NR4A1: variants seen among roughly 807,000 people sequenced by gnomAD.
NR4A1 encodes nuclear receptor subfamily 4immunitygroup A member 1.
A neutral mutation model predicts 47.5 loss-of-function variants in NR4A1; 24 were observed. The ratio of observed to expected loss-of-function variants is 0.50; its 90% CI spans 0.37 to 0.71. The LOEUF is 0.71. NR4A1 is among the 30% of genes least tolerant of loss of function. The pLI, the probability that NR4A1 is intolerant of heterozygous loss-of-function variation, is 0.00. For missense variants in NR4A1, 669 were observed against 788.6 expected, an observed-to-expected ratio of 0.85 and a Z score of 1.82; for synonymous variants, 353 against 345.7, an observed-to-expected ratio of 1.02 and a Z score of -0.24.
chr12:52,056,047 C>T lies in NR4A1; in HGVS notation c.894C>T (p.Asn298=), dbSNP rs768092406. The T allele has an allele frequency of 1.0e-5, 14 of 1,334,288 alleles. No homozygotes were observed. The highest frequency in any genetic ancestry group is 6.4e-5 in the Admixed American group (3 of 46,694). The allele number at this position is 1,334,288 out of a possible 1,614,324, so 82.7% of individuals were successfully genotyped here. Residue 298 remains asparagine, a synonymous_variant, in exon 3 of 7, where the codon AAC becomes AAT. Coordinates refer to ENST00000394825, the MANE Select transcript of NR4A1 (RefSeq NM_173157.3). The part of the protein sequence containing the change: ...KGFFKRTVQK[N]AKYICLANKD... ...CCACCCAGCGCACAGTGCAGAAAAACGCCAAGTACATCTGCCTGGCTAACA... is the reference window on the plus strand; with the variant it reads ...CCACCCAGCGCACAGTGCAGAAAAATGCCAAGTACATCTGCCTGGCTAACA...
intron 2 of NR4A1, chr12:52,043,854 T>C: frequency 2.3e-6 from 3 of 1,289,078 alleles, no homozygotes; most frequent in Non-Finnish European, 3.0e-6. Flanking sequence ...GATTCTCCCT[T>C]CGTGCGGTTG....
At chr12:52,048,467 A>G (rs2001714), upstream of NR4A1, among the ~76,000 whole-genome samples, 260 of 152,008 alleles carry the variant, frequency 1.7e-3, no homozygotes, top group South Asian at 4.2e-3. Context: ...GGTGGCAGGC[A>G]CCTGTAGTCC....
At chr12:52,050,708 A>C (rs1212939826), upstream of NR4A1, among the ~76,000 whole-genome samples, 1 of 152,122 alleles carries the variant, frequency 6.6e-6, no homozygotes, top group Non-Finnish European at 1.5e-5. Flanking sequence ...GGAGGGACTA[A>C]GCGAGGGCTC....
upstream of NR4A1, among the ~76,000 whole-genome samples, chr12:52,049,929 G>T (rs1211356771): frequency 6.6e-6 from 1 of 152,108 alleles, no homozygotes; most frequent in Non-Finnish European, 1.5e-5. Flanking sequence ...CGGGCCGGCA[G>T]AGCCTCCGGG....
intron 1 of NR4A1, among the ~76,000 whole-genome samples, chr12:52,032,238 A>G (rs1021465403): frequency 1.3e-5 from 2 of 152,230 alleles, no homozygotes; most frequent in Non-Finnish European, 2.9e-5. Flanking sequence ...CCTCACCGCT[A>G]TGGGCAGGCA....
intron 6 of NR4A1, among the ~76,000 whole-genome samples, chr12:52,057,780 AT>A (rs1458242974): frequency 6.6e-6 from 1 of 152,228 alleles, no homozygotes; most frequent in Non-Finnish European, 1.5e-5. Flanking sequence ...TGCAGGTGTC[AT>A]GTATGTGGCC....
chr12:52,033,981 C>T (rs1403282335), intron 1 of NR4A1, among the ~76,000 whole-genome samples: 1 of 152,164 alleles, frequency 6.6e-6, no homozygotes, highest in East Asian at 1.9e-4. Flanking sequence ...AAGGGTGTCT[C>T]CTAGGTGGGG....
chr12:52,052,780 C>A, intron 1 of NR4A1: 1 of 549,662 alleles, frequency 1.8e-6, no homozygotes, highest in Non-Finnish European at 2.3e-6. Context: ...TTCTGCCCAA[C>A]TGCTGTCTTT....
chr12:52,057,749 C>T lies in NR4A1; in HGVS notation c.1540+219C>T, dbSNP rs181481086. Among the ~76,000 whole-genome samples the T allele has an allele frequency of 2.1e-3, 327 of 152,338 alleles. 1 individual carries two copies. The highest frequency in any genetic ancestry group is 7.2e-3 in the African/African-American group (299 of 41,574). ...CTAAAGCGCAAGACAGCCTTTGGTC[C>T]CAGACTGTCAGGATCCAGACTGCAG... On this transcript the variant is annotated intron_variant, in intron 6 of 6. Coordinates refer to ENST00000394825, the MANE Select transcript of NR4A1 (RefSeq NM_173157.3).
Position 52,056,017 on chromosome 12 carries a change from C to T in NR4A1, c.877-13C>T, listed in dbSNP as rs1378379257. Reference sequence around the variant, plus strand: ...CACTCTGACAGCTTGTTCCGTGTTGCCCCCCCACCCAGCGCACAGTGCAGA... The same window carrying T: ...CACTCTGACAGCTTGTTCCGTGTTGTCCCCCCACCCAGCGCACAGTGCAGA... On this transcript the variant is annotated splice_polypyrimidine_tract_variant and intron_variant, in intron 2 of 6. Transcript: ENST00000394825. The T allele has an allele frequency of 4.3e-6, 5 of 1,149,926 alleles. No individual in the cohort carries two copies. The highest frequency in any genetic ancestry group is 5.6e-6 in the Non-Finnish European group (5 of 893,348). 71.2% of individuals were successfully genotyped at this position (1,149,926 alleles called of 1,614,324 possible). A position where few individuals can be genotyped will look rare whatever the true frequency, so the allele number is the denominator to read the frequency against.
upstream of NR4A1, among the ~76,000 whole-genome samples, chr12:52,049,920 G>A (rs1200737002): frequency 1.3e-5 from 2 of 152,048 alleles, no homozygotes; most frequent in Non-Finnish European, 2.9e-5. Flanking sequence ...GGTGGAAATC[G>A]GGCCGGCAGA....
chr12:52,047,594 C>T (rs1007953393), upstream of NR4A1, among the ~76,000 whole-genome samples: 1 of 152,252 alleles, frequency 6.6e-6, no homozygotes, highest in Non-Finnish European at 1.5e-5. Context: ...GTTCCTTATC[C>T]TCCTCCAGGC....
chr12:52,027,916 T>C (rs572032073), intron 1 of NR4A1, among the ~76,000 whole-genome samples: 57 of 152,202 alleles, frequency 3.7e-4, no homozygotes, highest in African/African-American at 1.3e-3. Flanking sequence ...ATTATTATTA[T>C]GTTGGTCAGG....
rs780136987 is a variant in NR4A1 at position 52,041,823 on chromosome 12, A to G, written c.-70A>G. On this transcript the variant is annotated 5_prime_UTR_variant, in exon 2 of 8. Coordinates refer to the NR4A1 transcript ENST00000360284. The stretch of plus-strand genomic sequence containing the variant: ...CTCCCTCTGTAGGCCTCCACCATGG[A>G]CAGAGGCCAGGCCCTGCCCCTCCCA... 4.8e-6 allele frequency: 7 copies of G among 1,453,994 alleles called. No individual in the cohort carries two copies. The East Asian group carries it at 1.7e-4, about 35-fold the overall frequency. The allele number at this position is 1,453,994 out of a possible 1,614,324, so 90.1% of individuals were successfully genotyped here. A position where few individuals can be genotyped will look rare whatever the true frequency, so the allele number is the denominator to read the frequency against.
chr12:52,041,092 A>G (rs958274199), intron 1 of NR4A1, among the ~76,000 whole-genome samples: 1 of 152,160 alleles, frequency 6.6e-6, no homozygotes, highest in Admixed American at 6.5e-5. Flanking sequence ...GGTTGGGGCT[A>G]GCTTTTATGT....
Position 52,057,537 on chromosome 12 carries a change from G to A in NR4A1, c.1540+7G>A, listed in dbSNP as rs1681325126. 6.2e-7 allele frequency: 1 copy of A among 1,613,498 alleles called. No individual in the cohort carries two copies. The highest frequency in any genetic ancestry group is 8.5e-7 in the Non-Finnish European group (1 of 1,179,952). On this transcript the variant is annotated splice_region_variant and intron_variant, in intron 6 of 6. Transcript: ENST00000394825. The stretch of plus-strand genomic sequence containing the variant: ...GCCCTTGTCCTCATCACCGGTGAGT[G>A]ACCAGCACCACACCAGGTCCAAGGG...
chr12:52,053,920 G>A (rs999559854), intron 1 of NR4A1: 4 of 198,464 alleles, frequency 2.0e-5, no homozygotes, highest in African/African-American at 9.3e-5. Context: ...CTGGGCTGAG[G>A]CTTTGCTGGG....
At chr12:52,048,485 TC>T (rs1384177414), upstream of NR4A1, among the ~76,000 whole-genome samples, 1 of 151,896 alleles carries the variant, frequency 6.6e-6, no homozygotes, top group Admixed American at 6.6e-5. Flanking sequence ...TCCCAGTGAC[TC>T]GGGAGGCTGA....
Position 52,025,063 on chromosome 12 carries a change from C to CTT in NR4A1, c.-84+2141_-84+2142dup, listed in dbSNP as rs532559170. Reference sequence around the variant, plus strand: ...GCCTCTCGGACCTTGCTCACTGCTGCTTTTTTTTTTTTTTTTTTGACAGAG... The same window carrying CTT: ...GCCTCTCGGACCTTGCTCACTGCTGCTTTTTTTTTTTTTTTTTTTTGACAGAG... On this transcript the variant is annotated intron_variant, in intron 1 of 7. Transcript: ENST00000360284. Among the ~76,000 whole-genome samples, 458 of 132,152 alleles carry CTT rather than the reference C, an allele frequency of 3.5e-3. 7 individuals carry two copies. Among genetic ancestry groups the CTT allele is most frequent in the African/African-American group, 4.8e-3 (169 of 35,458 alleles). 86.7% of individuals were successfully genotyped at this position (132,152 alleles called of 152,430 possible). A position where few individuals can be genotyped will look rare whatever the true frequency, so the allele number is the denominator to read the frequency against.
Sources: allele counts gnomAD v4.1 joint callset (sites outside exome capture counted in the v4.1 genomes callset), GRCh38; gene constraint gnomAD v4.1.1; transcripts MANE v1.5; gene names NCBI Gene and HGNC (gene_info 2026-07-23, HGNC 2026-07-21).